Variants in KCNT2 observed in about 807,000 individuals in gnomAD.
KCNT2 encodes the protein potassium channel subfamily T member 2.
KCNT2 carries 67 observed loss-of-function variants against 153.8 expected under a neutral mutation model. The observed-to-expected ratio is 0.44, with a 90% CI of 0.36 to 0.53. KCNT2 has a LOEUF of 0.53. KCNT2 is among the 20% of genes least tolerant of loss of function. The probability of loss-of-function intolerance (pLI) is 0.00; values close to 1 mark genes in which losing one functional copy is unlikely to be tolerated. For synonymous variants in KCNT2, 500 were observed against 458.8 expected, an observed-to-expected ratio of 1.09 and a Z score of -1.15; for missense variants, 975 against 1,354.8, an observed-to-expected ratio of 0.72 and a Z score of 4.40.
intron 13 of KCNT2, among the ~76,000 whole-genome samples, chr1:196,385,121 G>A (rs183429275): frequency 1.1e-3 from 165 of 152,238 alleles, no homozygotes; most frequent in African/African-American, 3.7e-3. Flanking sequence ...TGAGCCAAAT[G>A]TTTTGTCTTG....
chr1:196,583,473 T>G (rs886466180), intron 1 of KCNT2, among the ~76,000 whole-genome samples: 1 of 152,068 alleles, frequency 6.6e-6, no homozygotes, highest in African/African-American at 2.4e-5. Flanking sequence ...AAGACAAATA[T>G]CATGATTTGG....
intron 13 of KCNT2, among the ~76,000 whole-genome samples, chr1:196,383,999 C>G (rs181768975): frequency 2.0e-5 from 3 of 152,126 alleles, no homozygotes; most frequent in Admixed American, 6.5e-5. Context: ...ATATTTTATA[C>G]TTGAAATGTG....
chr1:196,482,805 A>G (rs1402507477), intron 3 of KCNT2, among the ~76,000 whole-genome samples: 1 of 152,176 alleles, frequency 6.6e-6, no homozygotes, highest in Non-Finnish European at 1.5e-5. Context: ...AGAGTATACA[A>G]CACAGTTATA....
At chr1:196,364,801 A>G (rs913623548) in intron 14 of KCNT2, among the ~76,000 whole-genome samples, 1 of 152,126 alleles carries the variant, frequency 6.6e-6, no homozygotes, top group African/African-American at 2.4e-5. Flanking sequence ...AGAGCATTGC[A>G]GCAATATCTA....
chr1:196,325,003 C>T (rs1663699191), intron 19 of KCNT2, among the ~76,000 whole-genome samples: 1 of 152,072 alleles, frequency 6.6e-6, no homozygotes, highest in East Asian at 1.9e-4. Flanking sequence ...CTTCTTAGCT[C>T]CTGTCACCTG....
chr1:196,395,415 A>G (rs1034794774), intron 13 of KCNT2, among the ~76,000 whole-genome samples: 1 of 151,648 alleles, frequency 6.6e-6, no homozygotes, highest in Non-Finnish European at 1.5e-5. Context: ...AACAAGTACA[A>G]TACAAATTTG....
At chr1:196,516,795 G>C (rs1292141995) in intron 1 of KCNT2, among the ~76,000 whole-genome samples, 1 of 152,172 alleles carries the variant, frequency 6.6e-6, no homozygotes, top group Admixed American at 6.5e-5. Flanking sequence ...TGCCATCTTT[G>C]CTGTTTTGCA....
intron 27 of KCNT2, among the ~76,000 whole-genome samples, chr1:196,234,142 A>G (rs1411988590): frequency 6.6e-6 from 1 of 151,386 alleles, no homozygotes; most frequent in Non-Finnish European, 1.5e-5. Context: ...TATTTTATGC[A>G]TGTATCAAAA....
chr1:196,231,960 T>C (rs1307594096), intron 27 of KCNT2, among the ~76,000 whole-genome samples: 2 of 151,828 alleles, frequency 1.3e-5, no homozygotes, highest in East Asian at 3.9e-4. Context: ...AGAGGCAGTA[T>C]ATAAAATGAA....
At chr1:196,588,272 A>G (rs539773194) in intron 1 of KCNT2, among the ~76,000 whole-genome samples, 1,368 of 15,654 alleles carry the variant, frequency 0.087, 25 homozygotes, top group Admixed American at 0.11. Context: ...AATAGATGGG[A>G]AAAAAAAACA....
chr1:196,352,413 T>A (rs1157407831), intron 14 of KCNT2, among the ~76,000 whole-genome samples: 1 of 152,052 alleles, frequency 6.6e-6, no homozygotes, highest in East Asian at 1.9e-4. Context: ...GAGATTCAAC[T>A]TCTTCCTGGT....
chr1:196,416,790 CTTAG>C (rs980970035), intron 12 of KCNT2, among the ~76,000 whole-genome samples: 3 of 152,020 alleles, frequency 2.0e-5, no homozygotes, highest in Admixed American at 6.6e-5. Flanking sequence ...CAATTATACT[CTTAG>C]TTATTTTTAA....
At chr1:196,328,887 G>T (rs998816819) in intron 18 of KCNT2, among the ~76,000 whole-genome samples, 1 of 152,044 alleles carries the variant, frequency 6.6e-6, no homozygotes, top group Non-Finnish European at 1.5e-5. Flanking sequence ...AGTCTTTATT[G>T]AAAGGGTGCT....
chr1:196,595,433 CTCTA>C (rs1663932423), intron 1 of KCNT2, among the ~76,000 whole-genome samples: 4 of 151,994 alleles, frequency 2.6e-5, no homozygotes, highest in Middle Eastern at 3.2e-3. Flanking sequence ...TTATATATAT[CTCTA>C]TCTATGTGCA....
At chr1:196,480,587 A>G (rs1472804732) in intron 4 of KCNT2, among the ~76,000 whole-genome samples, 1 of 152,074 alleles carries the variant, frequency 6.6e-6, no homozygotes, top group Non-Finnish European at 1.5e-5. Flanking sequence ...CAGGCGCAGT[A>G]GTTCACGTCT....
intron 12 of KCNT2, among the ~76,000 whole-genome samples, chr1:196,415,577 C>T (rs981728581): frequency 1.1e-4 from 17 of 151,406 alleles, no homozygotes; most frequent in East Asian, 5.8e-4. Context: ...TTGTTATGTC[C>T]GGATAAGAGC....
intron 1 of KCNT2, among the ~76,000 whole-genome samples, chr1:196,599,830 C>T (rs1664510336): frequency 6.6e-6 from 1 of 152,134 alleles, no homozygotes; most frequent in Admixed American, 6.5e-5. Flanking sequence ...CCCTCTTTTG[C>T]TGATTATCTT....
chr1:196,311,861 G>A (rs938680055), intron 21 of KCNT2, among the ~76,000 whole-genome samples: 6 of 151,852 alleles, frequency 4.0e-5, no homozygotes, highest in South Asian at 4.2e-4. Context: ...GCCACCAAGT[G>A]GGATATTTTG....
chr1:196,519,580 A>C (rs141858634), intron 1 of KCNT2, among the ~76,000 whole-genome samples: 1 of 152,076 alleles, frequency 6.6e-6, no homozygotes, highest in Non-Finnish European at 1.5e-5. Context: ...ATAAGATCCA[A>C]ATAAGCACAA....
Sources: allele counts gnomAD v4.1 joint callset (sites outside exome capture counted in the v4.1 genomes callset), GRCh38; gene constraint gnomAD v4.1.1; transcripts MANE v1.5; gene names NCBI Gene and HGNC (gene_info 2026-07-23, HGNC 2026-07-21).